Variants in RALYL observed in about 807,000 individuals in gnomAD.
RALYL encodes the protein RNA-binding Raly-like protein.
A neutral mutation model predicts 35.1 loss-of-function variants in RALYL; 29 were observed. The observed-to-expected ratio is 0.83, with a 90% CI of 0.61 to 1.13. The LOEUF is 1.13. Ranked by LOEUF, RALYL falls within the 50% of genes most tolerant of loss-of-function variation. The pLI, the probability that RALYL is intolerant of heterozygous loss-of-function variation, is 0.00. For missense variants in RALYL, 359 were observed against 360.4 expected (o/e 1.00, Z 0.03); for synonymous variants, 120 against 127.6 (o/e 0.94, Z 0.40).
chr8:84,903,000 C>CT (rs1175876383), intron 8 of RALYL, among the ~76,000 whole-genome samples: 1 of 152,040 alleles, frequency 6.6e-6, no homozygotes, highest in Non-Finnish European at 1.5e-5. Flanking sequence ...AGGAGGATCA[C>CT]TTGGGCCTAG....
rs117085792 is a variant in RALYL at position 84,737,796 on chromosome 8, C to T, written c.257-36783C>T. On this transcript the variant is annotated intron_variant, in intron 2 of 8. Coordinates refer to ENST00000521268, the MANE Select transcript of RALYL (RefSeq NM_173848.7). ...AAAAAAAGAGGCTCCACAGAGATTC[C>T]TTCCTCCTTCTGCCAAATGAGCACA... is the stretch of plus-strand genomic sequence containing the variant. Among the ~76,000 whole-genome samples, 76 of 152,056 alleles carry T rather than the reference C, an allele frequency of 5.0e-4. 1 individual carries two copies. The East Asian group carries it at 0.013, about 26-fold the overall frequency.
intron 8 of RALYL, among the ~76,000 whole-genome samples, chr8:84,890,413 C>T (rs1010192511): frequency 1.3e-5 from 2 of 152,070 alleles, no homozygotes; most frequent in Non-Finnish European, 2.9e-5. Context: ...TTTGAAAAGG[C>T]TCCTATGGAA....
intron 2 of RALYL, among the ~76,000 whole-genome samples, chr8:84,554,703 T>C (rs1460547073): frequency 6.6e-6 from 1 of 152,146 alleles, no homozygotes; most frequent in Non-Finnish European, 1.5e-5. Flanking sequence ...ACAAACCAAA[T>C]ACCAATCATT....
At chr8:84,468,249 T>G (rs1269336444) in intron 1 of RALYL, among the ~76,000 whole-genome samples, 1 of 152,128 alleles carries the variant, frequency 6.6e-6, no homozygotes, top group African/African-American at 2.4e-5. Flanking sequence ...CGATGGTCTT[T>G]ACATTTTGGC....
intron 1 of RALYL, among the ~76,000 whole-genome samples, chr8:84,295,427 T>C (rs1252568029): frequency 6.6e-6 from 1 of 152,198 alleles, no homozygotes; most frequent in Non-Finnish European, 1.5e-5. Context: ...CTCATGTTTA[T>C]AGAGACAGTG....
At chr8:84,812,992 A>AT (rs540655226) in intron 4 of RALYL, among the ~76,000 whole-genome samples, 155 of 151,974 alleles carry the variant, frequency 1.0e-3, no homozygotes, top group Non-Finnish European at 2.0e-3. Context: ...TGCCTGTGGT[A>AT]TTTTTCCCCC....
At chr8:84,459,592 G>A (rs2050516166) in intron 1 of RALYL, among the ~76,000 whole-genome samples, 3 of 151,804 alleles carry the variant, frequency 2.0e-5, no homozygotes, top group Non-Finnish European at 2.9e-5. Context: ...GAGGAATGGA[G>A]GCATGGGTGG....
chr8:84,792,182 T>C (rs1302132841), intron 3 of RALYL, among the ~76,000 whole-genome samples: 1 of 152,170 alleles, frequency 6.6e-6, no homozygotes, highest in Non-Finnish European at 1.5e-5. Context: ...GGTACCCGGG[T>C]CCTTGTCCAG....
intron 1 of RALYL, among the ~76,000 whole-genome samples, chr8:84,215,804 G>T (rs752881890): frequency 6.6e-6 from 1 of 152,068 alleles, no homozygotes. Flanking sequence ...CACAGAAAGA[G>T]GATCTTTAAA....
chr8:84,543,974 AAT>A (rs1421864834), intron 2 of RALYL, among the ~76,000 whole-genome samples: 1 of 152,028 alleles, frequency 6.6e-6, no homozygotes, highest in African/African-American at 2.4e-5. Context: ...TTTATCCCAC[AAT>A]ACACCTATAA....
intron 1 of RALYL, among the ~76,000 whole-genome samples, chr8:84,443,605 T>G (rs2048561439): frequency 6.6e-6 from 1 of 152,116 alleles, no homozygotes; most frequent in African/African-American, 2.4e-5. Context: ...TAGAGCGTGC[T>G]CTCACATGCA....
At chr8:84,829,017 G>A (rs997007368) in intron 4 of RALYL, 4 of 152,076 alleles carry the variant, frequency 2.6e-5, no homozygotes, top group South Asian at 2.1e-4. Context: ...AGAAACACCC[G>A]AGACTGGGTA....
chr8:84,756,084 C>T (rs575148292), intron 2 of RALYL, among the ~76,000 whole-genome samples: 3 of 151,984 alleles, frequency 2.0e-5, no homozygotes, highest in Non-Finnish European at 4.4e-5. Context: ...GTAATATATC[C>T]ATAAAGTAGC....
Position 84,583,269 on chromosome 8 carries a change from T to C in RALYL, c.256+53692T>C, listed in dbSNP as rs549933859. ...GATTTGAGATTGGTGAGTTGGAAGGTTTCCAAAACTAATTGTTGAATTCCT... is the reference window on the plus strand; with the variant it reads ...GATTTGAGATTGGTGAGTTGGAAGGCTTCCAAAACTAATTGTTGAATTCCT... On this transcript the variant is annotated intron_variant, in intron 2 of 8. Transcript: ENST00000521268. Among the ~76,000 whole-genome samples the C allele has an allele frequency of 3.9e-5, 6 of 152,284 alleles. No individual in the cohort carries two copies. The East Asian group carries it at 1.2e-3, about 29-fold the overall frequency.
intron 2 of RALYL, among the ~76,000 whole-genome samples, chr8:84,653,383 T>TAC (rs142141411): frequency 3.2e-4 from 49 of 151,758 alleles, no homozygotes; most frequent in African/African-American, 1.1e-3. Flanking sequence ...GCAATGCACG[T>TAC]ACACACACAC....
intron 2 of RALYL, among the ~76,000 whole-genome samples, chr8:84,643,349 G>T (rs1333397850): frequency 6.6e-6 from 1 of 152,074 alleles, no homozygotes; most frequent in Non-Finnish European, 1.5e-5. Context: ...GCAGAGGATA[G>T]TTGAGTGCAT....
chr8:84,528,080 A>C (rs939516932), intron 1 of RALYL, among the ~76,000 whole-genome samples: 6 of 152,184 alleles, frequency 3.9e-5, no homozygotes, highest in Admixed American at 3.9e-4. Context: ...CTTAATGCTT[A>C]ATTTAGAAAT....
rs577184180 is a variant in RALYL, at chr8:84,552,340, A to G, written c.256+22763A>G. Among the ~76,000 whole-genome samples, 431 of 58,346 alleles carry G rather than the reference A, an allele frequency of 7.4e-3. 5 individuals are homozygous for G. Among genetic ancestry groups the G allele is most frequent in the Non-Finnish European group, 9.0e-3 (319 of 35,338 alleles). 38.3% of individuals were successfully genotyped at this position (58,346 alleles called of 152,430 possible). ...GTAAACTATAGTAGGATGTGTGTGT[A>G]TATATATATATATATATATTTTTTT... On this transcript the variant is annotated intron_variant, in intron 2 of 8. Transcript: ENST00000521268.
At chr8:84,552,358 A>ATATATATATATT (rs60915927) in intron 2 of RALYL, among the ~76,000 whole-genome samples, 1 of 30,616 alleles carries the variant, frequency 3.3e-5, no homozygotes, top group East Asian at 1.3e-3. Context: ...ATATATATAT[A>ATATATATATATT]TTTTTTTTTT....
Sources: gnomAD v4.1 joint callset for allele counts (sites outside exome capture counted in the v4.1 genomes callset) on GRCh38, gnomAD v4.1.1 for gene constraint, MANE v1.5 for transcripts, NCBI Gene and HGNC (gene_info 2026-07-23, HGNC 2026-07-21) for gene names.